Variants in KCNN2 observed in about 807,000 individuals in gnomAD.
KCNN2 encodes small conductance calcium-activated potassium channel protein 2.
A neutral mutation model predicts 55.5 loss-of-function variants in KCNN2; 24 were observed. The ratio of observed to expected loss-of-function variants is 0.43; its 90% CI spans 0.31 to 0.61. The LOEUF (loss-of-function observed/expected upper bound fraction) is 0.61. Among genes scored for constraint, KCNN2 ranks in the 20% least tolerant of loss-of-function variants. The pLI is 0.08. For synonymous variants in KCNN2, 431 were observed against 336.1 expected, an observed-to-expected ratio of 1.28 and a Z score of -3.09; for missense variants, 754 against 853.6, an observed-to-expected ratio of 0.88 and a Z score of 1.45.
chr5:114,104,035 G>T lies in KCNN2; in HGVS notation c.-271+47535G>T, dbSNP rs768653210. ...CTCTTTTTAGCTCTGGGAGAATTTG[G>T]CTGTGAATCCGTTTGGTCCTACGCT... On this transcript the variant is annotated intron_variant, in intron 1 of 10. Coordinates refer to the KCNN2 transcript ENST00000512097. 5.9e-5 allele frequency among the ~76,000 whole-genome samples: 9 copies of T among 152,234 alleles called. No individual in the cohort carries two copies. The East Asian group carries it at 1.7e-3, about 29-fold the overall frequency.
chr5:114,144,061 A>C (rs1752346175), intron 1 of KCNN2, among the ~76,000 whole-genome samples: 1 of 152,192 alleles, frequency 6.6e-6, no homozygotes, highest in Non-Finnish European at 1.5e-5. Flanking sequence ...GCACCAGGTA[A>C]AGCAGTTAAG....
chr5:114,214,535 T>C (rs1444650778), intron 1 of KCNN2, among the ~76,000 whole-genome samples: 1 of 151,984 alleles, frequency 6.6e-6, no homozygotes, highest in Non-Finnish European at 1.5e-5. Context: ...TATCGAAAAT[T>C]GACTAAGAGG....
At chr5:114,342,721 T>C (rs554841988) in intron 2 of KCNN2, among the ~76,000 whole-genome samples, 86 of 152,324 alleles carry the variant, frequency 5.6e-4, no homozygotes, top group Middle Eastern at 3.4e-3. Flanking sequence ...TAACAGACTG[T>C]GGTATACATA....
intron 5 of KCNN2, among the ~76,000 whole-genome samples, chr5:114,485,300 C>G (rs900028317): frequency 2.6e-5 from 4 of 152,102 alleles, no homozygotes; most frequent in African/African-American, 9.7e-5. Context: ...CCATCAGGGC[C>G]CCTTGCCAAT....
intron 1 of KCNN2, among the ~76,000 whole-genome samples, chr5:114,067,318 C>A (rs1750471819): frequency 6.6e-6 from 1 of 152,194 alleles, no homozygotes; most frequent in Non-Finnish European, 1.5e-5. Flanking sequence ...ACCTGGCAAC[C>A]TGATAAAATG....
intron 1 of KCNN2, among the ~76,000 whole-genome samples, chr5:114,171,434 G>A (rs1208412763): frequency 6.6e-6 from 1 of 151,878 alleles, no homozygotes; most frequent in Non-Finnish European, 1.5e-5. Context: ...TAGAAAATCA[G>A]TGGAGAAATT....
chr5:114,488,432 A>G (rs4705671), intron 6 of KCNN2, among the ~76,000 whole-genome samples: 29,159 of 152,120 alleles, frequency 0.19, 2,992 homozygotes, highest in African/African-American at 0.28. Flanking sequence ...ACACAAGGTT[A>G]GAGTTTTCAA....
At chr5:114,161,423 C>T (rs1035662087) in intron 1 of KCNN2, among the ~76,000 whole-genome samples, 4 of 133,256 alleles carry the variant, frequency 3.0e-5, no homozygotes, top group African/African-American at 1.1e-4. Flanking sequence ...TTCTCTCTGG[C>T]TGTCCTTAAC....
At chr5:114,404,969 A>G (rs1758886691) in intron 3 of KCNN2, 113 bp downstream of exon 3, 4 of 872,746 alleles carry the variant, frequency 4.6e-6, no homozygotes, top group East Asian at 2.5e-5. Context: ...AAAATTTTGG[A>G]TTTTCTGACA....
chr5:114,327,869 C>T (rs1447810825), intron 2 of KCNN2, among the ~76,000 whole-genome samples: 2 of 152,206 alleles, frequency 1.3e-5, no homozygotes, highest in African/African-American at 4.8e-5. Flanking sequence ...GCAGTTAGTA[C>T]TGTTTTAATC....
At chr5:114,287,117 C>T (rs1038503580) in intron 2 of KCNN2, among the ~76,000 whole-genome samples, 1 of 152,108 alleles carries the variant, frequency 6.6e-6, no homozygotes, top group Non-Finnish European at 1.5e-5. Context: ...CTGGAGAATA[C>T]CAAGGACCAA....
chr5:114,399,499 C>T (rs763949983), intron 2 of KCNN2, among the ~76,000 whole-genome samples: 11 of 152,098 alleles, frequency 7.2e-5, no homozygotes, highest in Non-Finnish European at 1.5e-4. Context: ...ATTCTGGTTG[C>T]TAGTATTTTG....
chr5:114,488,866 A>G (rs867039379), intron 6 of KCNN2: 2 of 152,186 alleles, frequency 1.3e-5, no homozygotes, highest in Non-Finnish European at 2.9e-5. Flanking sequence ...TATATTTAGT[A>G]TGTTAAAAAG....
intron 1 of KCNN2, among the ~76,000 whole-genome samples, chr5:114,126,286 C>T (rs377074821): frequency 9.4e-4 from 143 of 152,190 alleles, no homozygotes; most frequent in African/African-American, 3.4e-3. Context: ...AAGACACACT[C>T]AAGACTGGGT....
chr5:114,248,960 T>C (rs10056135), intron 2 of KCNN2, among the ~76,000 whole-genome samples: 121,276 of 152,124 alleles, frequency 0.8, 48,665 homozygotes, highest in East Asian at 0.88. Context: ...TGACAGCAGG[T>C]GAAAACCAGA....
At chr5:114,235,819 C>A (rs993679674) in intron 2 of KCNN2, among the ~76,000 whole-genome samples, 1 of 152,202 alleles carries the variant, frequency 6.6e-6, no homozygotes, top group African/African-American at 2.4e-5. Flanking sequence ...AAGTCTCAGA[C>A]CCTGTACTAA....
chr5:114,475,415 G>C (rs1206794303), intron 5 of KCNN2, among the ~76,000 whole-genome samples: 1 of 151,904 alleles, frequency 6.6e-6, no homozygotes, highest in Admixed American at 6.6e-5. Flanking sequence ...AAAATCACCT[G>C]CAGGAGAGAA....
At chr5:114,426,565 ATTC>A (rs1322938764) in intron 3 of KCNN2, among the ~76,000 whole-genome samples, 1 of 152,194 alleles carries the variant, frequency 6.6e-6, no homozygotes, top group Non-Finnish European at 1.5e-5. Context: ...AGTGAGTATA[ATTC>A]TTCTTTAAAC....
chr5:114,213,049 A>T (rs761019576), intron 1 of KCNN2, among the ~76,000 whole-genome samples: 1 of 152,042 alleles, frequency 6.6e-6, no homozygotes, highest in East Asian at 1.9e-4. Context: ...AGGGAGAAGA[A>T]GAGATTACAA....
Sources: allele counts gnomAD v4.1 joint callset (sites outside exome capture counted in the v4.1 genomes callset), GRCh38; gene constraint gnomAD v4.1.1; transcripts MANE v1.5; gene names NCBI Gene and HGNC (gene_info 2026-07-23, HGNC 2026-07-21).